The following THEM4 variants were observed in gnomAD, a reference collection of about 807,000 sequenced individuals.
THEM4 encodes the protein thioesterase superfamily member 4.
In THEM4, 22 loss-of-function variants were observed where a neutral mutation model predicts 25.0. The observed-to-expected ratio is 0.88, with a 90% CI of 0.63 to 1.26. The LOEUF (loss-of-function observed/expected upper bound fraction) is 1.26. Among genes scored for constraint, THEM4 ranks in the 50% most tolerant of loss-of-function variants. The probability of loss-of-function intolerance (pLI) is 0.00; values close to 1 mark genes in which losing one functional copy is unlikely to be tolerated. For missense variants in THEM4, 286 were observed against 300.3 expected (o/e 0.95, Z 0.35); for synonymous variants, 113 against 105.6 (o/e 1.07, Z -0.43).
intron 4 of THEM4, among the ~76,000 whole-genome samples, chr1:151,887,736 A>G (rs1654004404): frequency 6.6e-6 from 1 of 152,120 alleles, no homozygotes; most frequent in African/African-American, 2.4e-5. Context: ...CCTGGGCTCA[A>G]GCAATCCTCT....
Position 151,874,542 on chromosome 1 carries a change from T to C in THEM4, c.*346A>G. 4.1e-6 allele frequency: 1 copy of C among 245,128 alleles called. No homozygotes were observed. The highest frequency in any genetic ancestry group is 8.0e-5 in the South Asian group (1 of 12,452). 15.2% of individuals were successfully genotyped at this position (245,128 alleles called of 1,614,324 possible). On this transcript the variant is annotated 3_prime_UTR_variant, in exon 6 of 6. Coordinates refer to ENST00000368814, the MANE Select transcript of THEM4 (RefSeq NM_053055.5). ...GGCGTACGCCACCATGCCTGGATAA[T>C]TTTTTGTATTTTAGTAGAGACGGAG...
At chr1:151,906,165 G>A (rs1654458642) in intron 1 of THEM4, among the ~76,000 whole-genome samples, 2 of 152,242 alleles carry the variant, frequency 1.3e-5, no homozygotes, top group Admixed American at 1.3e-4. Flanking sequence ...CCAGGGCTGC[G>A]CGGGGTGCTT....
intron 1 of THEM4, among the ~76,000 whole-genome samples, chr1:151,906,762 A>T (rs542705586): frequency 6.6e-6 from 1 of 151,986 alleles, no homozygotes; most frequent in African/African-American, 2.4e-5. Context: ...GTATCTAGCT[A>T]CTCTGGTGGG....
At chr1:151,896,610 G>A (rs1449283901) in intron 1 of THEM4, among the ~76,000 whole-genome samples, 1 of 152,208 alleles carries the variant, frequency 6.6e-6, no homozygotes, top group African/African-American at 2.4e-5. Flanking sequence ...CTGCAGAAAT[G>A]CATGTAAAAC....
intron 4 of THEM4, among the ~76,000 whole-genome samples, chr1:151,884,807 G>A (rs957746492): frequency 3.3e-5 from 5 of 151,320 alleles, no homozygotes; most frequent in Non-Finnish European, 5.9e-5. Flanking sequence ...TCCTGCCTCA[G>A]CCTCCCAAGT....
At chr1:151,886,412 A>G (rs6685187) in intron 4 of THEM4, among the ~76,000 whole-genome samples, 88,461 of 152,020 alleles carry the variant, frequency 0.58, 26,027 homozygotes, top group Admixed American at 0.67. Context: ...CTTGTTTTCA[A>G]AGTAACCGTT....
intron 4 of THEM4, among the ~76,000 whole-genome samples, chr1:151,879,487 T>TA (rs1653761276): frequency 6.6e-6 from 1 of 152,042 alleles, no homozygotes; most frequent in Non-Finnish European, 1.5e-5. Context: ...GTAAAATCTA[T>TA]TAAGACTTAA....
At chr1:151,895,409 G>A (rs777249179) in intron 1 of THEM4, among the ~76,000 whole-genome samples, 2 of 152,116 alleles carry the variant, frequency 1.3e-5, no homozygotes, top group Non-Finnish European at 2.9e-5. Flanking sequence ...ATCACCCAGC[G>A]AGCTATTGAC....
At position 151,877,044 on chromosome 1, in the gene THEM4, A is replaced by G. The variant is rs781133312; in HGVS notation, c.639T>C (p.Asn213=). 11 of 1,613,726 alleles carry G rather than the reference A, an allele frequency of 6.8e-6. No individual in the cohort carries two copies. Among genetic ancestry groups the G allele is most frequent in the Non-Finnish European group, 9.3e-6 (11 of 1,179,770 alleles). The change falls in exon 5 of 6, where the codon AAT becomes AAC. Residue 213 remains asparagine (N), a synonymous_variant. Transcript: ENST00000368814. ...GGGTCTTCTCATCAACACTCTGAAC[A>G]TTACAGGAAACAAAAAATTTCCTTC... ...VEGRKFFVSC[N]VQSVDEKTLY...
At chr1:151,903,681 A>T (rs935428317) in intron 1 of THEM4, among the ~76,000 whole-genome samples, 28 of 152,374 alleles carry the variant, frequency 1.8e-4, no homozygotes, top group African/African-American at 6.7e-4. Flanking sequence ...AAACATGTCA[A>T]CTGAGAGGCA....
intron 1 of THEM4, among the ~76,000 whole-genome samples, chr1:151,895,574 G>T (rs1654204562): frequency 6.6e-6 from 1 of 152,072 alleles, no homozygotes; most frequent in Non-Finnish European, 1.5e-5. Context: ...AGGAAGTTAG[G>T]GGATAAGGGA....
chr1:151,899,466 G>C (rs1215494575), intron 1 of THEM4, among the ~76,000 whole-genome samples: 1 of 149,108 alleles, frequency 6.7e-6, no homozygotes, highest in East Asian at 2.0e-4. Context: ...ACTCCAGCCT[G>C]GGCGACAGAG....
chr1:151,879,648 TC>T (rs1437214254), intron 4 of THEM4, among the ~76,000 whole-genome samples: 1 of 150,780 alleles, frequency 6.6e-6, no homozygotes, highest in Non-Finnish European at 1.5e-5. Flanking sequence ...TTTCTTTCTT[TC>T]TTTTCTTTTC....
Position 151,874,566 on chromosome 1 carries a change from A to G in THEM4, c.*322T>C. On this transcript the variant is annotated 3_prime_UTR_variant, in exon 6 of 6. Coordinates refer to ENST00000368814, the MANE Select transcript of THEM4 (RefSeq NM_053055.5). ...ATTTTTTGTATTTTAGTAGAGACGG[A>G]GTTTCATCGTGTTGCCCAGACTGAT... The G allele has an allele frequency of 3.2e-6, 1 of 309,704 alleles. No individual in the cohort carries two copies. 19.2% of individuals were successfully genotyped at this position (309,704 alleles called of 1,614,324 possible).
intron 1 of THEM4, among the ~76,000 whole-genome samples, chr1:151,902,454 GC>G (rs1654372422): frequency 6.6e-6 from 1 of 152,112 alleles, no homozygotes; most frequent in Non-Finnish European, 1.5e-5. Flanking sequence ...CTATGAGGAC[GC>G]AAAGGCATAA....
chr1:151,877,829 G>C (rs1653716552), intron 4 of THEM4, among the ~76,000 whole-genome samples: 1 of 152,122 alleles, frequency 6.6e-6, no homozygotes, highest in Non-Finnish European at 1.5e-5. Context: ...GGGAATCCTG[G>C]AGAAACATAT....
intron 4 of THEM4, among the ~76,000 whole-genome samples, chr1:151,886,521 A>C (rs1222749789): frequency 6.6e-6 from 1 of 152,150 alleles, no homozygotes; most frequent in African/African-American, 2.4e-5. Flanking sequence ...AAAAATATAA[A>C]AAATTTAATT....
chr1:151,896,290 G>A lies in THEM4; in HGVS notation c.100-1096C>T, dbSNP rs535053918. On this transcript the variant is annotated intron_variant, in intron 1 of 5. Transcript: ENST00000368814. Reference sequence around the variant, plus strand: ...ATTACAGGAGTGAGCCACTGTGCCCGGCTGACTGTAAGTTTTCTGAGCCCT... The same window carrying A: ...ATTACAGGAGTGAGCCACTGTGCCCAGCTGACTGTAAGTTTTCTGAGCCCT... 3.2e-4 allele frequency among the ~76,000 whole-genome samples: 49 copies of A among 152,020 alleles called. 1 individual carries two copies. The highest frequency in any genetic ancestry group is 2.4e-4 in the Non-Finnish European group (16 of 67,998).
chr1:151,896,540 A>G (rs746376936), intron 1 of THEM4, among the ~76,000 whole-genome samples: 1 of 152,210 alleles, frequency 6.6e-6, no homozygotes, highest in Admixed American at 6.5e-5. Flanking sequence ...TTTGCAGATG[A>G]TGAAATTAAG....
Sources: gnomAD v4.1 joint callset for allele counts (sites outside exome capture counted in the v4.1 genomes callset) on GRCh38, gnomAD v4.1.1 for gene constraint, MANE v1.5 for transcripts, NCBI Gene and HGNC (gene_info 2026-07-23, HGNC 2026-07-21) for gene names.